The following FMNL2 variants were observed in gnomAD, a reference collection of about 807,000 sequenced individuals.
FMNL2 encodes formin-like protein 2.
FMNL2 carries 51 observed loss-of-function variants against 130.2 expected under a neutral mutation model. The ratio of observed to expected loss-of-function variants is 0.39; its 90% CI spans 0.31 to 0.49. The LOEUF is 0.49. Among genes scored for constraint, FMNL2 ranks in the 20% least tolerant of loss-of-function variants. The probability of loss-of-function intolerance (pLI) is 0.85; values close to 1 mark genes in which losing one functional copy is unlikely to be tolerated. For synonymous variants in FMNL2, 465 were observed against 467.1 expected (o/e 1.00, Z 0.06); for missense variants, 977 against 1,316.2 (o/e 0.74, Z 3.99).
At chr2:152,590,460 A>G (rs1297164632) in intron 9 of FMNL2, among the ~76,000 whole-genome samples, 1 of 152,104 alleles carries the variant, frequency 6.6e-6, no homozygotes, top group Non-Finnish European at 1.5e-5. Flanking sequence ...TCTACTAAAA[A>G]TACAAAAAAT....
intron 20 of FMNL2, among the ~76,000 whole-genome samples, chr2:152,630,737 C>G (rs1682104213): frequency 6.6e-6 from 1 of 152,176 alleles, no homozygotes; most frequent in Non-Finnish European, 1.5e-5. Context: ...AAGGGAGGGC[C>G]TAAGCTAAAT....
intron 1 of FMNL2, among the ~76,000 whole-genome samples, chr2:152,456,569 C>T (rs1688967523): frequency 6.6e-6 from 1 of 152,170 alleles, no homozygotes; most frequent in Admixed American, 6.5e-5. Flanking sequence ...ATGTGATGTG[C>T]TGCTTGATTC....
At chr2:152,536,574 GATA>G (rs1437011104) in intron 2 of FMNL2, among the ~76,000 whole-genome samples, 8 of 152,256 alleles carry the variant, frequency 5.3e-5, no homozygotes, top group Non-Finnish European at 1.2e-4. Flanking sequence ...TTAGGATCAA[GATA>G]ATAAAACATT....
chr2:152,549,061 G>A lies in FMNL2; in HGVS notation c.323G>A (p.Arg108Lys), dbSNP rs1694803146. The A allele has an allele frequency of 6.2e-7, 1 of 1,610,712 alleles. No homozygotes were observed. The highest frequency in any genetic ancestry group is 8.5e-7 in the Non-Finnish European group (1 of 1,178,664). Residue 108 changes from arginine to lysine, a missense_variant, in exon 4 of 26, where the codon AGA becomes AAA. By Grantham distance (26) the Arg-to-Lys change is conservative. This residue lies in a region of FMNL2 where 117 missense variants were observed against 134.9 expected (regional missense o/e 0.87). Transcript: ENST00000288670. The stretch of plus-strand genomic sequence containing the variant: ...GTTCAAGAATCTACACAAGTGCTAA[G>A]AGAACTGGAAATTTCTTTGAGAACT... ...RRVQESTQVL[R>K]ELEISLRTNH... is the part of the protein sequence containing the mutation.
intron 1 of FMNL2, among the ~76,000 whole-genome samples, chr2:152,386,618 T>G (rs561848873): frequency 5.3e-5 from 8 of 152,314 alleles, no homozygotes; most frequent in African/African-American, 1.9e-4. Flanking sequence ...TGTGTCTATC[T>G]GTTTTCCCTC....
intron 1 of FMNL2, among the ~76,000 whole-genome samples, chr2:152,344,026 C>T (rs777767979): frequency 2.6e-5 from 4 of 152,098 alleles, no homozygotes. Flanking sequence ...TGGTGCATGC[C>T]TGTAGTCACA....
chr2:152,398,085 G>A (rs574035586), intron 1 of FMNL2, among the ~76,000 whole-genome samples: 3 of 152,130 alleles, frequency 2.0e-5, no homozygotes, highest in South Asian at 4.2e-4. Flanking sequence ...AGATTGAGCC[G>A]CTGCACTCCA....
chr2:152,611,353 T>C (rs995252653), intron 10 of FMNL2, 142 bp from the exon 11 acceptor site: 49 of 536,702 alleles, frequency 9.1e-5, no homozygotes, highest in East Asian at 8.5e-4. Flanking sequence ...AAAAACCATA[T>C]ATATATTTTT....
At chr2:152,413,186 G>C (rs575497162) in intron 1 of FMNL2, among the ~76,000 whole-genome samples, 132 of 152,280 alleles carry the variant, frequency 8.7e-4, no homozygotes, top group Non-Finnish European at 1.2e-3. Context: ...ATGAAACCCA[G>C]ATTTTAAAAC....
intron 2 of FMNL2, among the ~76,000 whole-genome samples, chr2:152,530,061 C>G (rs758978499): frequency 6.6e-6 from 1 of 152,110 alleles, no homozygotes; most frequent in Non-Finnish European, 1.5e-5. Context: ...ATAGATCCCC[C>G]ACTCCCACCC....
In FMNL2 at chr2:152,615,005, C is replaced by G; in HGVS notation, c.1212+5C>G. 1 of 1,606,784 alleles carries G rather than the reference C, an allele frequency of 6.2e-7. No individual in the cohort carries two copies. Among genetic ancestry groups the G allele is most frequent in the Non-Finnish European group, 8.5e-7 (1 of 1,178,318 alleles). On this transcript the variant is annotated splice_donor_5th_base_variant and intron_variant, in intron 12 of 25. Coordinates refer to ENST00000288670, the MANE Select transcript of FMNL2 (RefSeq NM_052905.4). ...CTGGAAGAAAACATTTCTCATGTAA[C>G]TATATCTCAGAAAAGGAAAAATTGC... is the stretch of plus-strand genomic sequence containing the variant.
Position 152,542,787 on chromosome 2 carries a change from A to G in FMNL2, c.250A>G (p.Lys84Glu). 6.2e-7 allele frequency: 1 copy of G among 1,613,976 alleles called. No homozygotes were observed. Among genetic ancestry groups the G allele is most frequent in the Non-Finnish European group, 8.5e-7 (1 of 1,179,840 alleles). ...TCCCCATACATACATTCAAAAGCTC[A>G]AAGGCTATCTGGATCCAGCTGTAAC... Reference protein sequence around the residue: ...NPPHTYIQKLKGYLDPAVTRK... With the variant: ...NPPHTYIQKLEGYLDPAVTRK... The change falls in exon 3 of 26, where the codon AAA (lysine) becomes GAA (glutamate). Residue 84 changes from lysine (K) to glutamate (E), a missense_variant. This residue lies in a region of FMNL2 where 117 missense variants were observed against 134.9 expected (regional missense o/e 0.87). Coordinates refer to ENST00000288670, the MANE Select transcript of FMNL2 (RefSeq NM_052905.4).
intron 1 of FMNL2, among the ~76,000 whole-genome samples, chr2:152,448,887 C>T (rs1201916212): frequency 7.2e-5 from 11 of 152,164 alleles, no homozygotes; most frequent in Non-Finnish European, 1.0e-4. Flanking sequence ...ATGCTCTTGT[C>T]CCTTGAAGAG....
At chr2:152,581,593 G>A (rs980680067) in intron 9 of FMNL2, among the ~76,000 whole-genome samples, 11 of 151,972 alleles carry the variant, frequency 7.2e-5, no homozygotes, top group Admixed American at 5.9e-4. Context: ...ACAATATGAC[G>A]CCGCGGGCCC....
intron 1 of FMNL2, among the ~76,000 whole-genome samples, chr2:152,446,239 T>G (rs1275736885): frequency 6.6e-6 from 1 of 152,188 alleles, no homozygotes; most frequent in Non-Finnish European, 1.5e-5. Flanking sequence ...TTTAACCCAA[T>G]GGCAAAATCA....
At chr2:152,485,923 G>A (rs145314569) in intron 1 of FMNL2, among the ~76,000 whole-genome samples, 51 of 152,270 alleles carry the variant, frequency 3.3e-4, no homozygotes, top group African/African-American at 1.1e-3. Flanking sequence ...GGCTGTGCAG[G>A]GACATGGGAG....
At chr2:152,378,566 A>G (rs1684294915) in intron 1 of FMNL2, among the ~76,000 whole-genome samples, 1 of 152,206 alleles carries the variant, frequency 6.6e-6, no homozygotes, top group South Asian at 2.1e-4. Context: ...TTGAGTTAGC[A>G]ATCAGAAGAA....
chr2:152,527,160 C>T (rs1180313554), intron 2 of FMNL2, among the ~76,000 whole-genome samples: 1 of 152,120 alleles, frequency 6.6e-6, no homozygotes, highest in Non-Finnish European at 1.5e-5. Flanking sequence ...GCCTTAGCTC[C>T]TGAGTTTCCT....
At chr2:152,360,497 C>T (rs7606397) in intron 1 of FMNL2, among the ~76,000 whole-genome samples, 13,430 of 152,008 alleles carry the variant, frequency 0.088, 671 homozygotes, top group African/African-American at 0.14. Flanking sequence ...TGACCAGCTA[C>T]GCTTTTTTTT....
Sources: allele counts gnomAD v4.1 joint callset (sites outside exome capture counted in the v4.1 genomes callset), GRCh38; gene constraint gnomAD v4.1.1; regional missense constraint gnomAD v4.1.1; transcripts MANE v1.5; gene names NCBI Gene and HGNC (gene_info 2026-07-23, HGNC 2026-07-21).